The following DNM2 variants were observed in gnomAD, a reference collection of about 807,000 sequenced individuals.
The protein encoded by DNM2 is dynamin-2.
Under a neutral mutation model 99.0 loss-of-function variants are expected in DNM2, and 15 were observed. The ratio of observed to expected loss-of-function variants is 0.15; its 90% confidence interval spans 0.10 to 0.23. The LOEUF (loss-of-function observed/expected upper bound fraction) is 0.23. Ranked by LOEUF, DNM2 falls within the 10% of genes least tolerant of loss-of-function variation. The pLI, the probability that DNM2 is intolerant of heterozygous loss-of-function variation, is 1.00. For missense variants in DNM2, 742 were observed against 1,189.4 expected (o/e 0.62, Z 5.53); for synonymous variants, 525 against 481.2 (o/e 1.09, Z -1.19).
At chr19:10,827,461 C>T (rs533866093) in intron 18 of DNM2, among the ~76,000 whole-genome samples, 4 of 152,042 alleles carry the variant, frequency 2.6e-5, no homozygotes, top group South Asian at 2.1e-4. Flanking sequence ...CCCAGCTACT[C>T]GGGAAGCTGA....
chr19:10,802,235 C>T (rs2072176996), intron 11 of DNM2, 53 bp from the exon 12 acceptor site: 2 of 1,592,762 alleles, frequency 1.3e-6, no homozygotes, highest in South Asian at 2.2e-5. Flanking sequence ...TTGCCGCTGC[C>T]CCCCCTTGCC....
intron 11 of DNM2, among the ~76,000 whole-genome samples, chr19:10,800,918 C>T (rs532535707): frequency 5.3e-5 from 8 of 152,314 alleles, no homozygotes; most frequent in East Asian, 1.9e-4. Context: ...TGTGTGCGCG[C>T]GTGCACGTGC....
intron 1 of DNM2, among the ~76,000 whole-genome samples, chr19:10,756,778 C>A (rs2070401763): frequency 6.6e-6 from 1 of 151,958 alleles, no homozygotes; most frequent in African/African-American, 2.4e-5. Flanking sequence ...ATCCGGCCTG[C>A]CCTCAGGTTG....
intron 8 of DNM2, 22 bp downstream of exon 8, chr19:10,793,877 C>T (rs372507531): frequency 1.2e-6 from 2 of 1,614,024 alleles, no homozygotes; most frequent in Non-Finnish European, 8.5e-7. Context: ...CGGGGCTGGG[C>T]CCTCCCGTCT....
At chr19:10,731,848 C>T (rs2069332231) in intron 1 of DNM2, among the ~76,000 whole-genome samples, 1 of 152,204 alleles carries the variant, frequency 6.6e-6, no homozygotes, top group South Asian at 2.1e-4. Flanking sequence ...GCCCTGGTGG[C>T]CTGGACAGGT....
At chr19:10,723,095 A>G (rs186008290) in intron 1 of DNM2, among the ~76,000 whole-genome samples, 2 of 146,742 alleles carry the variant, frequency 1.4e-5, no homozygotes. Context: ...CCTCCCGAGT[A>G]GCTGGGACTA....
chr19:10,749,389 C>T (rs2070113413), intron 1 of DNM2, among the ~76,000 whole-genome samples: 1 of 152,246 alleles, frequency 6.6e-6, no homozygotes, highest in Admixed American at 6.5e-5. Context: ...CTCCCAGCTG[C>T]ACCCTTCCCT....
chr19:10,782,342 T>TCTTTTCTTTTTC (rs2071406158), intron 5 of DNM2, among the ~76,000 whole-genome samples: 2 of 145,192 alleles, frequency 1.4e-5, no homozygotes, highest in African/African-American at 5.1e-5. Context: ...CCTTGAGATT[T>TCTTTTCTTTTTC]TTTTTCTTTT....
At chr19:10,729,861 G>A (rs1027277455) in intron 1 of DNM2, among the ~76,000 whole-genome samples, 27 of 151,636 alleles carry the variant, frequency 1.8e-4, no homozygotes, top group Admixed American at 1.3e-3. Flanking sequence ...ACCATTATGG[G>A]TGGTTATTTT....
chr19:10,758,083 A>G (rs2145845167), intron 1 of DNM2, among the ~76,000 whole-genome samples: 1 of 152,152 alleles, frequency 6.6e-6, no homozygotes, highest in Admixed American at 6.5e-5. Flanking sequence ...CTCACTGGAA[A>G]GCTTTCATTT....
At chr19:10,719,353 C>T (rs903921160) in intron 1 of DNM2, among the ~76,000 whole-genome samples, 1 of 152,136 alleles carries the variant, frequency 6.6e-6, no homozygotes, top group Non-Finnish European at 1.5e-5. Context: ...TGCTAGAACA[C>T]AGGGGCCCGC....
chr19:10,798,498 C>A lies in DNM2; in HGVS notation c.1348C>A (p.Pro450Thr). 1 of 1,614,194 alleles carries A rather than the reference C, an allele frequency of 6.2e-7. No homozygotes were observed. The highest frequency in any genetic ancestry group is 8.5e-7 in the Non-Finnish European group (1 of 1,180,028). ...CTTGTTCCCCCAGCTCAGTTCCTAC[C>A]CCCGGTTGCGAGAGGAGACAGAGCG... ...KKCAEKLSSY[P>T]RLREETERIV... is the part of the protein sequence containing the mutation. The change falls in exon 11 of 21, where the codon CCC becomes ACC. Residue 450 changes from proline to threonine, a missense_variant. Physicochemically the swap from Pro to Thr is conservative, Grantham distance 38. Transcript: ENST00000389253.
Position 10,795,889 on chromosome 19 carries a change from G to C in DNM2, c.1196+450G>C. 5 of 1,026,896 alleles carry C rather than the reference G, an allele frequency of 4.9e-6. No homozygotes were observed. The highest frequency in any genetic ancestry group is 7.5e-6 in the Non-Finnish European group (5 of 667,890). 63.6% of individuals were successfully genotyped at this position (1,026,896 alleles called of 1,614,324 possible). A position where few individuals can be genotyped will look rare whatever the true frequency, so the allele number is the denominator to read the frequency against. ...AGGTGTCTGCCCTTCCATCGCCGTG[G>C]GGTCCTCGGGTCACCCTGAGGGTTT... is the stretch of plus-strand genomic sequence containing the variant. On this transcript the variant is annotated intron_variant, in intron 9 of 20. Transcript: ENST00000389253. This position sits in a 1 kb window ranked among gnomAD's most constrained non-coding sequence, Gnocchi z 4.2.
intron 18 of DNM2, 36 bp from the exon 19 acceptor site, chr19:10,829,000 T>C: frequency 6.3e-7 from 1 of 1,595,182 alleles, no homozygotes; most frequent in Non-Finnish European, 8.6e-7. Context: ...GTTGGGGTGA[T>C]ACACAAGCCT....
intron 8 of DNM2, among the ~76,000 whole-genome samples, chr19:10,794,337 C>G (rs1038469511): frequency 8.4e-6 from 1 of 118,620 alleles, no homozygotes; most frequent in Admixed American, 8.1e-5. Flanking sequence ...TTTGGGACTT[C>G]TTTTTCCGTG....
intron 1 of DNM2, among the ~76,000 whole-genome samples, chr19:10,739,935 G>A (rs1209291791): frequency 1.3e-5 from 2 of 149,844 alleles, no homozygotes; most frequent in African/African-American, 2.5e-5. Context: ...TTTGTGGGAC[G>A]TTTTTTGAAT....
intron 1 of DNM2, among the ~76,000 whole-genome samples, chr19:10,758,403 T>TTCCC (rs2070485709): frequency 2.7e-5 from 1 of 37,556 alleles, no homozygotes; most frequent in Non-Finnish European, 6.4e-5. Context: ...CCCTCCTTCC[T>TTCCC]TCCCTCCTTC....
At chr19:10,770,624 C>T (rs754984613) in intron 2 of DNM2, among the ~76,000 whole-genome samples, 3 of 152,162 alleles carry the variant, frequency 2.0e-5, no homozygotes, top group Non-Finnish European at 4.4e-5. Context: ...TACAGTTCCA[C>T]ACAGCTGGGC....
Position 10,811,472 on chromosome 19 carries a change from T to C in DNM2, c.1558-792T>C. The C allele has an allele frequency of 2.8e-6, 1 of 354,170 alleles. No individual in the cohort carries two copies. Among genetic ancestry groups the C allele is most frequent in the Non-Finnish European group, 5.6e-6 (1 of 178,686 alleles). The allele number at this position is 354,170 out of a possible 1,614,324, so 21.9% of individuals were successfully genotyped here. A position where few individuals can be genotyped will look rare whatever the true frequency, so the allele number is the denominator to read the frequency against. On this transcript the variant is annotated intron_variant, in intron 14 of 20. Transcript: ENST00000389253. The surrounding 1 kb of genome is among the most constrained non-coding windows in gnomAD (Gnocchi z 5.4). Reference sequence around the variant, plus strand: ...AGCCCTTCGCAGCTGTCCATGGCCATGCTCAGCCCACCCTTTGTAGCTTGG... The same window carrying C: ...AGCCCTTCGCAGCTGTCCATGGCCACGCTCAGCCCACCCTTTGTAGCTTGG...
Sources: gnomAD v4.1 joint callset for allele counts (sites outside exome capture counted in the v4.1 genomes callset) on GRCh38, gnomAD v4.1.1 for gene constraint, Gnocchi (gnomAD v3.1) non-coding constraint, MANE v1.5 for transcripts, NCBI Gene and HGNC (gene_info 2026-07-23, HGNC 2026-07-21) for gene names.